The following KRT8 variants were observed in gnomAD, a reference collection of about 807,000 sequenced individuals.
KRT8 encodes the protein keratin, type II cytoskeletal 8.
A neutral mutation model predicts 43.0 loss-of-function variants in KRT8; 24 were observed. The ratio of observed to expected loss-of-function variants is 0.56; its 90% confidence interval spans 0.40 to 0.78. The LOEUF (loss-of-function observed/expected upper bound fraction) is 0.78. Ranked by LOEUF, KRT8 falls within the 30% of genes least tolerant of loss-of-function variation. The probability of loss-of-function intolerance (pLI) is 0.00; values close to 1 mark genes in which losing one functional copy is unlikely to be tolerated. For missense variants in KRT8, 492 were observed against 638.4 expected, an observed-to-expected ratio of 0.77 and a Z score of 2.47; for synonymous variants, 214 against 261.2, an observed-to-expected ratio of 0.82 and a Z score of 1.74.
chr12:52,905,564 C>G (rs1941495979), upstream of KRT8, among the ~76,000 whole-genome samples: 2 of 152,310 alleles, frequency 1.3e-5, no homozygotes, highest in South Asian at 4.1e-4. Flanking sequence ...GACAGAACAG[C>G]TGGAGTCCAA....
chr12:52,939,096 TA>T (rs1942226290), intron 2 of KRT8, among the ~76,000 whole-genome samples: 1 of 151,438 alleles, frequency 6.6e-6, no homozygotes, highest in Non-Finnish European at 1.5e-5. Context: ...TAAAAAAAAG[TA>T]AAATAAAAAA....
At chr12:52,901,600 A>C in intron 2 of KRT8, 1 of 580,688 alleles carries the variant, frequency 1.7e-6, no homozygotes, top group Non-Finnish European at 3.1e-6. Context: ...CTCCCGTCTC[A>C]GGTTTACCAT....
chr12:52,940,174 T>A (rs958899408), intron 2 of KRT8, among the ~76,000 whole-genome samples: 1 of 152,122 alleles, frequency 6.6e-6, no homozygotes, highest in Admixed American at 6.5e-5. Context: ...GGCTCATGCC[T>A]GTAATCCCAG....
intron 2 of KRT8, among the ~76,000 whole-genome samples, chr12:52,922,898 G>A (rs942589949): frequency 1.3e-5 from 2 of 152,194 alleles, no homozygotes; most frequent in African/African-American, 4.8e-5. Context: ...CAGGAAGGCA[G>A]ATTCTGCAGC....
intron 3 of KRT8, 196 bp downstream of exon 3, chr12:52,900,963 C>T (rs56095813): frequency 0.093 from 61,276 of 658,266 alleles, 3,569 homozygotes; most frequent in Non-Finnish European, 0.12. Context: ...CATGTCCCAA[C>T]ACCGATGTCA....
chr12:52,928,883 G>A (rs1942038325), intron 2 of KRT8, among the ~76,000 whole-genome samples: 1 of 152,164 alleles, frequency 6.6e-6, no homozygotes, highest in Non-Finnish European at 1.5e-5. Context: ...TCCAGCCTGG[G>A]CAACAAGAGT....
rs757994773 is a variant in KRT8, at chr12:52,898,436, C to T, written c.1261+25G>A. 4.4e-6 allele frequency: 7 copies of T among 1,606,124 alleles called. No individual in the cohort carries two copies. The East Asian group carries it at 1.3e-4, about 31-fold the overall frequency. Reference sequence around the variant, plus strand: ...CTCCCTGGGCCCTGCCTCCCGCCCTCATCCCAGGGCCCTGGGACACCCACC... The same window carrying T: ...CTCCCTGGGCCCTGCCTCCCGCCCTTATCCCAGGGCCCTGGGACACCCACC... On this transcript the variant is annotated intron_variant, in intron 7 of 7. Coordinates refer to ENST00000692008, the Ensembl canonical transcript of KRT8.
At chr12:52,946,047 C>G (rs1437406434) in intron 2 of KRT8, among the ~76,000 whole-genome samples, 1 of 152,146 alleles carries the variant, frequency 6.6e-6, no homozygotes, top group African/African-American at 2.4e-5. Flanking sequence ...GTATTTGCCC[C>G]ATGCTGCAAG....
intron 1 of KRT8, among the ~76,000 whole-genome samples, chr12:52,903,295 C>T (rs1319836903): frequency 6.6e-6 from 1 of 152,206 alleles, no homozygotes; most frequent in Non-Finnish European, 1.5e-5. Flanking sequence ...GGAAATAAGA[C>T]TTGGCAAGGG....
intron 2 of KRT8, among the ~76,000 whole-genome samples, chr12:52,935,322 T>A (rs1942150078): frequency 7.4e-6 from 1 of 134,468 alleles, no homozygotes. Context: ...TAGGTTGCAA[T>A]GAGTCGAGAT....
intron 1 of KRT8, among the ~76,000 whole-genome samples, chr12:52,902,779 AG>A (rs1941405949): frequency 1.3e-5 from 2 of 151,894 alleles, no homozygotes; most frequent in South Asian, 4.2e-4. Context: ...TGGGTGGCCA[AG>A]GCAGGCGGAT....
intron 2 of KRT8, chr12:52,926,567 A>T (rs904242341): frequency 7.0e-6 from 7 of 1,007,018 alleles, no homozygotes; most frequent in Middle Eastern, 2.0e-4. Flanking sequence ...GGGCTTTGTT[A>T]CACCCCTGGG....
In KRT8 at chr12:52,938,141, T is replaced by C. The variant is rs866360315; in HGVS notation, c.-47+11315A>G. On this transcript the variant is annotated intron_variant, in intron 2 of 6. Transcript: ENST00000546826. ...ATTACACACCCACTAGAAAGCTATA[T>C]ATATATATATATATATATATATATA... is the stretch of plus-strand genomic sequence containing the variant. Among the ~76,000 whole-genome samples the C allele has an allele frequency of 1.7e-3, 49 of 29,684 alleles. 1 individual carries two copies. Among genetic ancestry groups the C allele is most frequent in the African/African-American group, 8.2e-3 (49 of 5,998 alleles). The allele number at this position is 29,684 out of a possible 152,430, so 19.5% of individuals were successfully genotyped here. A position where few individuals can be genotyped will look rare whatever the true frequency, so the allele number is the denominator to read the frequency against.
chr12:52,949,669 C>T, intron 1 of KRT8: 1 of 1,251,718 alleles, frequency 8.0e-7, no homozygotes, highest in Non-Finnish European at 1.1e-6. Context: ...TTCCGTCATT[C>T]CATAACCACC....
intron 2 of KRT8, among the ~76,000 whole-genome samples, chr12:52,918,042 AAGAAGAAGAGGAAGAAGAAGG>A (rs1264468696): frequency 2.1e-5 from 3 of 141,418 alleles, no homozygotes; most frequent in African/African-American, 5.3e-5. Flanking sequence ...GGAGGAGAAG[AAGAAGAAGAGGAAGAAGAAGG>A]AGAAGAAGAA....
chr12:52,903,995 C>CCCGCCCACGCT (rs1941446432), intron 1 of KRT8, among the ~76,000 whole-genome samples: 1 of 151,620 alleles, frequency 6.6e-6, no homozygotes, highest in Admixed American at 6.6e-5. Context: ...GCGCAGGGGC[C>CCCGCCCACGCT]GGGGTATGAC....
exon 1 of KRT8, chr12:52,904,820 A>G (rs560691465): frequency 9.9e-6 from 16 of 1,612,288 alleles, no homozygotes; most frequent in Non-Finnish European, 1.4e-5. Flanking sequence ...TGGCCCCACC[A>G]TAGCCGCCGC....
At chr12:52,938,168 ATATTTTTTTT>A (rs1335576355) in intron 2 of KRT8, among the ~76,000 whole-genome samples, 1 of 35,468 alleles carries the variant, frequency 2.8e-5, no homozygotes, top group African/African-American at 2.2e-4. Context: ...ATATATATAT[ATATTTTTTTT>A]TTTTTTTATA....
At chr12:52,933,446 T>C (rs1336904036) in intron 2 of KRT8, among the ~76,000 whole-genome samples, 1 of 152,170 alleles carries the variant, frequency 6.6e-6, no homozygotes, top group African/African-American at 2.4e-5. Context: ...TATATTAAGT[T>C]CATGGATTGG....
Sources: allele counts gnomAD v4.1 joint callset (sites outside exome capture counted in the v4.1 genomes callset), GRCh38; gene constraint gnomAD v4.1.1; transcripts MANE v1.5; gene names NCBI Gene and HGNC (gene_info 2026-07-23, HGNC 2026-07-21).